OR1J2: variants seen among roughly 807,000 people sequenced by gnomAD.
OR1J2 encodes the protein olfactory receptor 1J2.
For missense variants in OR1J2, 304 were observed against 246.1 expected, an observed-to-expected ratio of 1.24 and a Z score of -1.57; for synonymous variants, 142 against 99.7, an observed-to-expected ratio of 1.42 and a Z score of -2.52.
chr9:122,468,334 G>A, the OR1J2 span, among the ~76,000 whole-genome samples: 4 of 152,196 alleles, frequency 2.6e-5, no homozygotes, highest in African/African-American at 9.6e-5. Context: ...CCAACTTTGT[G>A]AGTGGGTTTC....
At chr9:122,541,189 G>A in the OR1J2 span, among the ~76,000 whole-genome samples, 1 of 152,212 alleles carries the variant, frequency 6.6e-6, no homozygotes. Flanking sequence ...AGTCTTCCTT[G>A]CCTGTTCAAC....
downstream of OR1J2, among the ~76,000 whole-genome samples, chr9:122,514,738 C>T (rs1376657132): frequency 6.6e-6 from 1 of 152,170 alleles, no homozygotes; most frequent in East Asian, 1.9e-4. Context: ...TCTCTATAGA[C>T]ATCTCAACCT....
the OR1J2 span, chr9:122,567,707 G>A: frequency 2.5e-6 from 4 of 1,613,974 alleles, no homozygotes; most frequent in Non-Finnish European, 2.5e-6. Context: ...AATAGACACA[G>A]AAGATGCTTC....
At chr9:122,472,056 C>T in the OR1J2 span, among the ~76,000 whole-genome samples, 1 of 152,204 alleles carries the variant, frequency 6.6e-6, no homozygotes, top group African/African-American at 2.4e-5. Flanking sequence ...CCTACATTCC[C>T]TAAATCCAAT....
chr9:122,522,583 ATGTG>A, the OR1J2 span, among the ~76,000 whole-genome samples: 9 of 150,848 alleles, frequency 6.0e-5, no homozygotes, highest in South Asian at 4.2e-4. Flanking sequence ...AACTGTGTGC[ATGTG>A]TGTGTGTGTG....
At chr9:122,560,202 T>C in the OR1J2 span, among the ~76,000 whole-genome samples, 1 of 152,200 alleles carries the variant, frequency 6.6e-6, no homozygotes, top group Non-Finnish European at 1.5e-5. Flanking sequence ...CCTGTCCTTT[T>C]ATTTTGAGCC....
chr9:122,568,188 C>G, the OR1J2 span: 3 of 1,614,126 alleles, frequency 1.9e-6, no homozygotes, highest in Non-Finnish European at 2.5e-6. Context: ...TGTCAGACAC[C>G]CAGCATAGGA....
At chr9:122,563,211 G>A in the OR1J2 span, among the ~76,000 whole-genome samples, 1 of 149,990 alleles carries the variant, frequency 6.7e-6, no homozygotes, top group Non-Finnish European at 1.5e-5. Flanking sequence ...TTTGATAATA[G>A]CCATTCTAAC....
the OR1J2 span, among the ~76,000 whole-genome samples, chr9:122,563,917 C>G: frequency 6.6e-6 from 1 of 152,256 alleles, no homozygotes; most frequent in African/African-American, 2.4e-5. Context: ...AATCAGTTGG[C>G]TATAGATACA....
the OR1J2 span, among the ~76,000 whole-genome samples, chr9:122,479,998 G>A: frequency 1.3e-5 from 2 of 152,030 alleles, no homozygotes; most frequent in African/African-American, 2.4e-5. Context: ...CAATCTAAAA[G>A]CTAAAAGTAA....
At chr9:122,580,147 C>CTGGACAATGAAAATCTGCTGCAGAAAA in the OR1J2 span, among the ~76,000 whole-genome samples, 1 of 151,908 alleles carries the variant, frequency 6.6e-6, no homozygotes, top group African/African-American at 2.4e-5. Flanking sequence ...TACCTAGTAA[C>CTGGACAATGAAAATCTGCTGCAGAAAA]TGGACAATGA....
At chr9:122,510,792 G>T, upstream of OR1J2, 1 of 1,443,816 alleles carries the variant, frequency 6.9e-7, no homozygotes, top group Non-Finnish European at 9.5e-7. Flanking sequence ...CCATCAGAGG[G>T]CAAAGGAGTA....
the OR1J2 span, among the ~76,000 whole-genome samples, chr9:122,488,712 G>A: frequency 6.6e-6 from 1 of 152,280 alleles, no homozygotes; most frequent in South Asian, 2.1e-4. Context: ...AAAAGAGACG[G>A]AGAATTAAGT....
the OR1J2 span, among the ~76,000 whole-genome samples, chr9:122,529,882 G>C: frequency 6.6e-6 from 1 of 152,192 alleles, no homozygotes; most frequent in African/African-American, 2.4e-5. Context: ...TGTCTCAAGT[G>C]ACTCTGCTTA....
chr9:122,535,581 G>C, the OR1J2 span, among the ~76,000 whole-genome samples: 1 of 152,180 alleles, frequency 6.6e-6, no homozygotes, highest in Non-Finnish European at 1.5e-5. Flanking sequence ...TTGGAGAAGA[G>C]AGTAAAAAGA....
the OR1J2 span, among the ~76,000 whole-genome samples, chr9:122,496,074 C>T: frequency 6.6e-6 from 1 of 152,140 alleles, no homozygotes; most frequent in Non-Finnish European, 1.5e-5. Context: ...CCAGCACCTG[C>T]TCTGGTGGAG....
chr9:122,568,927 A>G, the OR1J2 span, among the ~76,000 whole-genome samples: 3 of 152,156 alleles, frequency 2.0e-5, no homozygotes, highest in Non-Finnish European at 4.4e-5. Flanking sequence ...AAAATAAAAT[A>G]GTATTAGAAG....
the OR1J2 span, among the ~76,000 whole-genome samples, chr9:122,536,389 C>CT: frequency 7.2e-5 from 11 of 152,262 alleles, no homozygotes; most frequent in East Asian, 1.4e-3. Context: ...ACTCATGCAT[C>CT]TAATTTCACT....
At chr9:122,452,610 T>G in the OR1J2 span, among the ~76,000 whole-genome samples, 2 of 152,108 alleles carry the variant, frequency 1.3e-5, no homozygotes, top group Non-Finnish European at 2.9e-5. Flanking sequence ...AATACTGTGA[T>G]ATGGTTTGGA....
Sources: gnomAD v4.1 joint callset for allele counts (sites outside exome capture counted in the v4.1 genomes callset) on GRCh38, gnomAD v4.1.1 for gene constraint, MANE v1.5 for transcripts, NCBI Gene and HGNC (gene_info 2026-07-23, HGNC 2026-07-21) for gene names.